CHD9: variants seen among roughly 807,000 people sequenced by gnomAD.
CHD9 encodes the protein ATP-dependent chromatin remodeler CHD9.
In CHD9, 77 loss-of-function variants were observed where a neutral mutation model predicts 316.1. That is an observed-to-expected ratio of 0.24 (90% CI 0.20 to 0.29). CHD9 has a LOEUF of 0.29. CHD9 is among the 10% of genes least tolerant of loss of function. The probability of loss-of-function intolerance (pLI) is 1.00; values close to 1 mark genes in which losing one functional copy is unlikely to be tolerated. For synonymous variants in CHD9, 1,129 were observed against 1,158.3 expected (o/e 0.97, Z 0.51); for missense variants, 2,763 against 3,438.1 (o/e 0.80, Z 4.91).
chr16:53,097,796 C>T (rs994908701), intron 1 of CHD9, among the ~76,000 whole-genome samples: 14 of 152,216 alleles, frequency 9.2e-5, no homozygotes, highest in Non-Finnish European at 1.5e-4. Context: ...TGAAAATTGA[C>T]GATATTATTT....
chr16:53,123,299 G>A (rs978498025), intron 1 of CHD9, among the ~76,000 whole-genome samples: 7 of 147,654 alleles, frequency 4.7e-5, no homozygotes, highest in East Asian at 2.0e-4. Flanking sequence ...CTATTTTATT[G>A]CCCCCCAGAA....
chr16:53,234,915 G>A (rs1035601052), intron 10 of CHD9, among the ~76,000 whole-genome samples: 7 of 151,818 alleles, frequency 4.6e-5, no homozygotes, highest in Non-Finnish European at 8.8e-5. Flanking sequence ...ATCTTTGTTC[G>A]TGAGGGACAT....
chr16:53,273,815 T>G, intron 23 of CHD9, 30 bp downstream of exon 23: 1 of 1,548,442 alleles, frequency 6.5e-7, no homozygotes. Flanking sequence ...AACACAACTC[T>G]TTAAATGTTT....
intron 22 of CHD9, among the ~76,000 whole-genome samples, chr16:53,272,585 A>C (rs1246217930): frequency 6.6e-6 from 1 of 152,218 alleles, no homozygotes; most frequent in African/African-American, 2.4e-5. Context: ...ATAGTTATGT[A>C]ATAAATTATT....
intron 1 of CHD9, among the ~76,000 whole-genome samples, chr16:53,086,755 A>G (rs1189452676): frequency 1.3e-5 from 2 of 152,218 alleles, no homozygotes; most frequent in Admixed American, 6.5e-5. Flanking sequence ...GGCGGAATGA[A>G]CCCTCATAAC....
Position 53,102,088 on chromosome 16 carries a change from G to A in CHD9, c.-165+47011G>A, listed in dbSNP as rs376162575. On this transcript the variant is annotated intron_variant, in intron 1 of 38. Transcript: ENST00000447540. ...AAGTTTCCAGAAGGTGTGAATCTGG[G>A]TGATGCTGGTTGCATTGTACTGGGC... 1.2e-3 allele frequency among the ~76,000 whole-genome samples: 177 copies of A among 152,308 alleles called. 5 individuals are homozygous for A. The South Asian group carries it at 0.034, about 29-fold the overall frequency.
chr16:53,237,366 C>T (rs117485590), intron 11 of CHD9, among the ~76,000 whole-genome samples: 3,236 of 152,258 alleles, frequency 0.021, 65 homozygotes, highest in Non-Finnish European at 0.03. Flanking sequence ...CTAGTCACCT[C>T]AACCTCTAAT....
intron 1 of CHD9, among the ~76,000 whole-genome samples, chr16:53,094,352 CA>C (rs2036205822): frequency 6.6e-6 from 1 of 152,128 alleles, no homozygotes; most frequent in South Asian, 2.1e-4. Flanking sequence ...GCAGGCCTGG[CA>C]AAGACCCAGG....
intron 1 of CHD9, among the ~76,000 whole-genome samples, chr16:53,063,730 A>G (rs1374556641): frequency 6.7e-6 from 1 of 150,014 alleles, no homozygotes; most frequent in African/African-American, 2.5e-5. Context: ...ATGGGGTTTC[A>G]CCATGTTAGC....
intron 1 of CHD9, among the ~76,000 whole-genome samples, chr16:53,068,759 G>A (rs765329591): frequency 2.6e-5 from 4 of 152,138 alleles, no homozygotes; most frequent in Middle Eastern, 3.2e-3. Flanking sequence ...GCAAGCTTGC[G>A]GTCTTGTTTA....
chr16:53,244,868 C>T (rs1567549320), intron 13 of CHD9, among the ~76,000 whole-genome samples: 1 of 152,002 alleles, frequency 6.6e-6, no homozygotes, highest in Admixed American at 6.6e-5. Flanking sequence ...GTGGCTCACA[C>T]CTGTAATCCC....
rs918597775 is a variant in CHD9, at chr16:53,245,128, C to G, written c.3055-208C>G. Among the ~76,000 whole-genome samples the G allele has an allele frequency of 2.0e-5, 3 of 151,950 alleles. No homozygotes were observed. The highest frequency in any genetic ancestry group is 4.4e-5 in the Non-Finnish European group (3 of 68,002). On this transcript the variant is annotated intron_variant, in intron 13 of 38. Coordinates refer to ENST00000447540, the MANE Select transcript of CHD9 (RefSeq NM_001308319.2). The surrounding 1 kb of genome is among the most constrained non-coding windows in gnomAD (Gnocchi z 4.1). ...GTGTAATGCTGAACTATGATGGCAT[C>G]ACTGCACTCCAGCCTGGGTGTCACA...
At position 53,291,865 on chromosome 16, in the gene CHD9, A is replaced by G. The variant is rs561046721; in HGVS notation, c.5290+98A>G. Reference sequence around the variant, plus strand: ...CTATTACACTTTTATAATGTTTCATATATAAAAATTTTTATTGACTGCCAT... The same window carrying G: ...CTATTACACTTTTATAATGTTTCATGTATAAAAATTTTTATTGACTGCCAT... On this transcript the variant is annotated intron_variant, in intron 28 of 38. Transcript: ENST00000447540. 75 of 750,814 alleles carry G rather than the reference A, an allele frequency of 1.0e-4. 1 individual carries two copies. In the South Asian group the frequency reaches 2.1e-3, roughly 21 times the overall value. The allele number at this position is 750,814 out of a possible 1,614,324, so 46.5% of individuals were successfully genotyped here.
chr16:53,189,791 A>G (rs2152824460), intron 2 of CHD9, among the ~76,000 whole-genome samples: 1 of 152,160 alleles, frequency 6.6e-6, no homozygotes, highest in Admixed American at 6.5e-5. Flanking sequence ...AATTTTTTCC[A>G]TGTCTTACAG....
At chr16:53,283,906 G>T (rs955890197) in intron 24 of CHD9, among the ~76,000 whole-genome samples, 10 of 152,066 alleles carry the variant, frequency 6.6e-5, no homozygotes, top group African/African-American at 2.4e-4. Context: ...TTAAAAATTT[G>T]TGACAAATAA....
In CHD9 at chr16:53,157,373, A is replaced by G. The variant is rs778047436; in HGVS notation, c.1284A>G (p.Ser428=). The G allele has an allele frequency of 6.2e-7, 1 of 1,614,032 alleles. No homozygotes were observed. The highest frequency in any genetic ancestry group is 8.5e-7 in the Non-Finnish European group (1 of 1,179,888). The change falls in exon 2 of 39, where the codon TCA becomes TCG. Residue 428 remains serine (S), a synonymous_variant. Coordinates refer to ENST00000447540, the MANE Select transcript of CHD9 (RefSeq NM_001308319.2). ...FDESTFGQDN[S]SHILDHDLDR... is the part of the protein sequence containing the mutation. ...AGTCAACATTCGGACAAGATAATTC[A>G]AGTCACATTTTAGATCATGACCTTG...
At position 53,109,311 on chromosome 16, in the gene CHD9, G is replaced by C. The variant is rs1478630521; in HGVS notation, c.-164-46615G>C. Among the ~76,000 whole-genome samples the C allele has an allele frequency of 2.0e-5, 3 of 152,162 alleles. No individual in the cohort carries two copies. The East Asian group carries it at 5.8e-4, about 29-fold the overall frequency. On this transcript the variant is annotated intron_variant, in intron 1 of 38. Coordinates refer to ENST00000447540, the MANE Select transcript of CHD9 (RefSeq NM_001308319.2). ...ATAGTAGTATAAACAGGGACACCCA[G>C]AAAGCAATTTTGGGACTCGTAGTCC...
At position 53,255,640 on chromosome 16, in the gene CHD9, G is replaced by A. The variant is rs534624677; in HGVS notation, c.4070G>A (p.Arg1357Gln). The A allele has an allele frequency of 3.1e-6, 5 of 1,613,642 alleles. No individual in the cohort carries two copies. The highest frequency in any genetic ancestry group is 1.3e-5 in the African/African-American group (1 of 74,916). The change falls in exon 19 of 39, where the codon CGA becomes CAA. Residue 1357 changes from arginine to glutamine, a missense_variant. Transcript: ENST00000447540. ...AAAAAGGAAATAGAAGATCTGCTTC[G>A]AAGAGGTGCTTATGGTGCTATTATG... ...LSKKEIEDLL[R>Q]RGAYGAIMEE... is the part of the protein sequence containing the mutation.
intron 1 of CHD9, among the ~76,000 whole-genome samples, chr16:53,061,117 G>C (rs2032847189): frequency 1.3e-5 from 2 of 151,936 alleles, no homozygotes; most frequent in African/African-American, 4.8e-5. Flanking sequence ...AGTGGAGATG[G>C]GGTTTCGCCA....
Sources: allele counts gnomAD v4.1 joint callset (sites outside exome capture counted in the v4.1 genomes callset), GRCh38; gene constraint gnomAD v4.1.1; non-coding constraint Gnocchi (gnomAD v3.1); transcripts MANE v1.5; gene names NCBI Gene and HGNC (gene_info 2026-07-23, HGNC 2026-07-21).